The following CTNNA2 variants were observed in gnomAD, a reference collection of about 807,000 sequenced individuals.
CTNNA2 encodes the protein catenin alpha-2.
Under a neutral mutation model 101.0 loss-of-function variants are expected in CTNNA2, and 42 were observed. The observed-to-expected ratio is 0.42, with a 90% confidence interval of 0.32 to 0.54. CTNNA2 has a LOEUF of 0.54. Among genes scored for constraint, CTNNA2 ranks in the 20% least tolerant of loss-of-function variants. CTNNA2 has a pLI of 0.14. For missense variants in CTNNA2, 871 were observed against 1,223.1 expected (o/e 0.71, Z 4.29); for synonymous variants, 450 against 456.4 (o/e 0.99, Z 0.18).
intron 7 of CTNNA2, among the ~76,000 whole-genome samples, chr2:80,017,060 G>A (rs764118808): frequency 2.0e-5 from 3 of 152,140 alleles, no homozygotes; most frequent in African/African-American, 7.2e-5. Flanking sequence ...AGGCAAAAAC[G>A]TTGGGCCAAC....
intron 7 of CTNNA2, among the ~76,000 whole-genome samples, chr2:80,121,874 T>C (rs1247978804): frequency 1.3e-5 from 2 of 152,086 alleles, no homozygotes; most frequent in Non-Finnish European, 2.9e-5. Flanking sequence ...GAGCCGTTCA[T>C]CTGTTTGGAA....
chr2:79,807,907 C>G (rs1473262077), intron 3 of CTNNA2, among the ~76,000 whole-genome samples: 1 of 152,062 alleles, frequency 6.6e-6, no homozygotes, highest in Non-Finnish European at 1.5e-5. Context: ...ACTTTGATAT[C>G]AAGAAATTAT....
intron 4 of CTNNA2, among the ~76,000 whole-genome samples, chr2:79,502,289 C>A (rs1671329053): frequency 6.6e-6 from 1 of 152,142 alleles, no homozygotes; most frequent in Non-Finnish European, 1.5e-5. Context: ...CATGTGCTAT[C>A]TTGAGTAGCT....
At chr2:80,037,404 C>T (rs756634975) in intron 7 of CTNNA2, among the ~76,000 whole-genome samples, 1 of 152,180 alleles carries the variant, frequency 6.6e-6, no homozygotes, top group African/African-American at 2.4e-5. Flanking sequence ...GTTCTCAACT[C>T]GGTCTCAGTT....
intron 9 of CTNNA2, among the ~76,000 whole-genome samples, chr2:80,470,937 G>A (rs1482408610): frequency 6.6e-6 from 1 of 152,150 alleles, no homozygotes; most frequent in Admixed American, 6.5e-5. Flanking sequence ...AGTCCTGAAG[G>A]GAGAGGAGGC....
At position 80,596,012 on chromosome 2, in the gene CTNNA2, A is replaced by G. The variant is rs530452254; in HGVS notation, c.2189+6527A>G. Among the ~76,000 whole-genome samples, 4 of 152,060 alleles carry G rather than the reference A, an allele frequency of 2.6e-5. No homozygotes were observed. In the South Asian group the frequency reaches 6.2e-4, roughly 24 times the overall value. On this transcript the variant is annotated intron_variant, in intron 15 of 18. Transcript: ENST00000402739. ...ATCCATGAGCATGGAATGTTTTTCC[A>G]TTTGTTTGTGTCCTCTCTTATTTCC...
intron 3 of CTNNA2, among the ~76,000 whole-genome samples, chr2:79,759,602 C>G (rs770187737): frequency 3.9e-5 from 6 of 152,102 alleles, no homozygotes; most frequent in Admixed American, 6.6e-5. Flanking sequence ...CGCCCTGCAT[C>G]CCTGGTTCAT....
At chr2:80,350,128 A>G (rs182092703) in intron 7 of CTNNA2, among the ~76,000 whole-genome samples, 111 of 152,284 alleles carry the variant, frequency 7.3e-4, no homozygotes, top group African/African-American at 2.4e-3. Flanking sequence ...TCTTTAAACT[A>G]TCATGCTTCA....
At chr2:79,662,413 C>T (rs974156783) in intron 2 of CTNNA2, among the ~76,000 whole-genome samples, 19 of 152,022 alleles carry the variant, frequency 1.2e-4, no homozygotes, top group Non-Finnish European at 2.6e-4. Context: ...ATAATGATAT[C>T]TTTATGTGCT....
At chr2:79,217,916 C>T (rs1674287478) in intron 2 of CTNNA2, among the ~76,000 whole-genome samples, 1 of 152,244 alleles carries the variant, frequency 6.6e-6, no homozygotes, top group South Asian at 2.1e-4. Context: ...CTTGTGACAC[C>T]ACATAGCAGG....
chr2:80,076,398 C>T (rs1371839185), intron 7 of CTNNA2, among the ~76,000 whole-genome samples: 13 of 151,926 alleles, frequency 8.6e-5, no homozygotes. Flanking sequence ...CCCTGCTCAG[C>T]CTCCCTAGTA....
chr2:79,897,544 C>T (rs1372993963), intron 6 of CTNNA2, among the ~76,000 whole-genome samples: 2 of 152,116 alleles, frequency 1.3e-5, no homozygotes, highest in Non-Finnish European at 2.9e-5. Context: ...TTCTCAACAA[C>T]ACTGTTGTAT....
chr2:79,722,569 AC>A (rs1447933795), intron 2 of CTNNA2, among the ~76,000 whole-genome samples: 1 of 152,158 alleles, frequency 6.6e-6, no homozygotes, highest in Non-Finnish European at 1.5e-5. Flanking sequence ...TTTCCTGACC[AC>A]CTGTTTAAAA....
intron 2 of CTNNA2, among the ~76,000 whole-genome samples, chr2:79,707,154 G>A (rs573360849): frequency 2.6e-5 from 4 of 152,228 alleles, no homozygotes; most frequent in Admixed American, 2.6e-4. Context: ...ACATCTGTGC[G>A]AGGACACATG....
chr2:80,450,855 G>A (rs2149455912), intron 9 of CTNNA2, among the ~76,000 whole-genome samples: 1 of 152,208 alleles, frequency 6.6e-6, no homozygotes, highest in Non-Finnish European at 1.5e-5. Context: ...GAATCACAGG[G>A]TTGGATGGTA....
chr2:79,565,897 T>G (rs544781373), intron 1 of CTNNA2, among the ~76,000 whole-genome samples: 1 of 152,100 alleles, frequency 6.6e-6, no homozygotes, highest in South Asian at 2.1e-4. Flanking sequence ...AAAAGAGATT[T>G]TCCAGGAAAA....
intron 9 of CTNNA2, among the ~76,000 whole-genome samples, chr2:80,479,159 T>C (rs1436107146): frequency 6.6e-6 from 1 of 152,078 alleles, no homozygotes; most frequent in East Asian, 1.9e-4. Context: ...TTATTAACAG[T>C]TTTTTTCCTC....
At chr2:80,122,537 A>C (rs1370094832) in intron 7 of CTNNA2, among the ~76,000 whole-genome samples, 1 of 152,146 alleles carries the variant, frequency 6.6e-6, no homozygotes, top group Non-Finnish European at 1.5e-5. Context: ...GTCATTTTCA[A>C]GCTGTTTCCA....
chr2:80,395,744 A>G (rs1010874730), intron 8 of CTNNA2, among the ~76,000 whole-genome samples: 10 of 152,180 alleles, frequency 6.6e-5, no homozygotes, highest in Non-Finnish European at 1.5e-4. Flanking sequence ...TATTCTTTCA[A>G]TTACAGATAA....
Sources: allele counts gnomAD v4.1 joint callset (sites outside exome capture counted in the v4.1 genomes callset), GRCh38; gene constraint gnomAD v4.1.1; transcripts MANE v1.5; gene names NCBI Gene and HGNC (gene_info 2026-07-23, HGNC 2026-07-21).